PARM1: variants seen among roughly 807,000 people sequenced by gnomAD.
The protein encoded by PARM1 is prostate androgen-regulated mucin-like protein 1, also known as WSC4, cell wall integrity and stress response component 4 homolog.
PARM1 carries 14 observed loss-of-function variants against 24.6 expected under a neutral mutation model. That is an observed-to-expected ratio of 0.57 (90% confidence interval 0.38 to 0.89). PARM1 has a LOEUF of 0.89. Ranked by LOEUF, PARM1 falls within the 40% of genes least tolerant of loss-of-function variation. PARM1 has a pLI of 0.00. For synonymous variants in PARM1, 179 were observed against 156.6 expected (o/e 1.14, Z -1.07); for missense variants, 362 against 380.4 (o/e 0.95, Z 0.40).
intron 1 of PARM1, among the ~76,000 whole-genome samples, chr4:74,951,419 G>A (rs965370113): frequency 6.6e-6 from 1 of 152,080 alleles, no homozygotes; most frequent in Non-Finnish European, 1.5e-5. Context: ...TGCATGCAAG[G>A]GAGGACATGA....
intron 1 of PARM1, among the ~76,000 whole-genome samples, chr4:74,986,061 C>A (rs544355156): frequency 6.6e-6 from 1 of 152,292 alleles, no homozygotes; most frequent in South Asian, 2.1e-4. Flanking sequence ...GCCACTGCAC[C>A]CGGCCTTAGA....
At chr4:74,977,109 A>G (rs1722152959) in intron 1 of PARM1, among the ~76,000 whole-genome samples, 1 of 152,234 alleles carries the variant, frequency 6.6e-6, no homozygotes, top group Non-Finnish European at 1.5e-5. Context: ...TGAGGCTGAC[A>G]TGGATGAATT....
intron 1 of PARM1, among the ~76,000 whole-genome samples, chr4:74,986,435 A>T (rs1386486755): frequency 2.0e-5 from 3 of 152,232 alleles, no homozygotes; most frequent in Admixed American, 2.0e-4. Context: ...ATGAAGTCCC[A>T]GACATATTCC....
rs1168165327 is a variant in PARM1 at position 75,047,329 on chromosome 4, G to A, written c.*1082G>A. ...TAGTCTATCTGCAATTACTCAACGA[G>A]GCATTTTCATAGGAAACAGACTATG... On this transcript the variant is annotated 3_prime_UTR_variant, in exon 4 of 4. Coordinates refer to ENST00000307428, the MANE Select transcript of PARM1 (RefSeq NM_015393.4). 3.3e-5 allele frequency: 5 copies of A among 152,158 alleles called. No individual in the cohort carries two copies. Among genetic ancestry groups the A allele is most frequent in the Admixed American group, 6.5e-5 (1 of 15,272 alleles). 9.4% of individuals were successfully genotyped at this position (152,158 alleles called of 1,614,324 possible).
rs1419350827 is a variant in PARM1 at position 75,046,354 on chromosome 4, T to C, written c.*107T>C. The C allele has an allele frequency of 2.8e-6, 2 of 717,998 alleles. No individual in the cohort carries two copies. The highest frequency in any genetic ancestry group is 1.8e-5 in the African/African-American group (1 of 56,124). The allele number at this position is 717,998 out of a possible 1,614,324, so 44.5% of individuals were successfully genotyped here. On this transcript the variant is annotated 3_prime_UTR_variant, in exon 4 of 4. Coordinates refer to ENST00000307428, the MANE Select transcript of PARM1 (RefSeq NM_015393.4). ...CGCATTGAACGACAATCTTAAGCCCTGTTTTGTTGGTATGGTTGTTTTTGT... is the reference window on the plus strand; with the variant it reads ...CGCATTGAACGACAATCTTAAGCCCCGTTTTGTTGGTATGGTTGTTTTTGT...
At chr4:74,937,428 G>A (rs1229056693) in intron 1 of PARM1, among the ~76,000 whole-genome samples, 3 of 152,148 alleles carry the variant, frequency 2.0e-5, no homozygotes, top group African/African-American at 7.2e-5. Flanking sequence ...CATTTACAGA[G>A]GCAGTGTTTC....
chr4:75,010,359 A>G (rs1396207471), intron 1 of PARM1, among the ~76,000 whole-genome samples: 1 of 152,190 alleles, frequency 6.6e-6, no homozygotes, highest in African/African-American at 2.4e-5. Flanking sequence ...TGCCATTCCC[A>G]TGGGGAAAAG....
chr4:75,009,749 G>T (rs185595028), intron 1 of PARM1, among the ~76,000 whole-genome samples: 4 of 152,166 alleles, frequency 2.6e-5, no homozygotes, highest in Admixed American at 2.6e-4. Flanking sequence ...CCTTTCTCCC[G>T]CAAGTCCTTA....
chr4:75,037,337 C>T (rs1038724037), intron 3 of PARM1, among the ~76,000 whole-genome samples: 1 of 152,184 alleles, frequency 6.6e-6, no homozygotes, highest in Non-Finnish European at 1.5e-5. Context: ...ATGGCCCTGG[C>T]CCAGCCAAGT....
At chr4:74,999,381 G>T (rs1458976902) in intron 1 of PARM1, among the ~76,000 whole-genome samples, 1 of 152,170 alleles carries the variant, frequency 6.6e-6, no homozygotes, top group Non-Finnish European at 1.5e-5. Flanking sequence ...TCTGTGGGGA[G>T]AATAGGTGGT....
intron 1 of PARM1, among the ~76,000 whole-genome samples, chr4:74,989,072 A>C (rs1421959021): frequency 6.6e-6 from 1 of 152,050 alleles, no homozygotes; most frequent in Non-Finnish European, 1.5e-5. Context: ...TTTTTTTCGT[A>C]TTCTCTTTTA....
At chr4:75,026,864 GC>G (rs1221459429) in intron 2 of PARM1, among the ~76,000 whole-genome samples, 2 of 152,132 alleles carry the variant, frequency 1.3e-5, no homozygotes, top group East Asian at 3.9e-4. Flanking sequence ...CTTCCCAGTA[GC>G]CCTATGAGGT....
rs113720361 is a variant in PARM1 at position 75,005,782 on chromosome 4, C to T, written c.44-6643C>T. ...AGAAACAATCCGTCAGCTATTCTTGCAGCAAAAAAGCTTGAACCTGACCAG... is the reference window on the plus strand; with the variant it reads ...AGAAACAATCCGTCAGCTATTCTTGTAGCAAAAAAGCTTGAACCTGACCAG... On this transcript the variant is annotated intron_variant, in intron 1 of 3. Transcript: ENST00000307428. Among the ~76,000 whole-genome samples the T allele has an allele frequency of 2.0e-5, 3 of 152,212 alleles. No individual in the cohort carries two copies. In the East Asian group the frequency reaches 5.8e-4, roughly 29 times the overall value.
chr4:75,038,842 C>A (rs1184050627), intron 3 of PARM1, among the ~76,000 whole-genome samples: 2 of 152,206 alleles, frequency 1.3e-5, no homozygotes, highest in Non-Finnish European at 2.9e-5. Flanking sequence ...AATCTCCCTG[C>A]ACAGGAGACC....
At chr4:75,045,585 A>G (rs1723585418) in intron 3 of PARM1, among the ~76,000 whole-genome samples, 1 of 152,186 alleles carries the variant, frequency 6.6e-6, no homozygotes, top group Admixed American at 6.6e-5. Flanking sequence ...GCTCAGTTGG[A>G]TGACTTTGGG....
At chr4:75,011,433 A>G (rs966725283) in intron 1 of PARM1, among the ~76,000 whole-genome samples, 2 of 152,096 alleles carry the variant, frequency 1.3e-5, no homozygotes, top group Non-Finnish European at 2.9e-5. Flanking sequence ...TGGGGGTCCC[A>G]TCTACTGAGA....
At chr4:75,011,090 C>G (rs760017510) in intron 1 of PARM1, among the ~76,000 whole-genome samples, 8 of 152,126 alleles carry the variant, frequency 5.3e-5, no homozygotes, top group Non-Finnish European at 1.2e-4. Context: ...CCTGAGAGAA[C>G]TCACTCACTA....
At chr4:74,984,235 CAGT>C (rs1289987528) in intron 1 of PARM1, among the ~76,000 whole-genome samples, 1 of 152,240 alleles carries the variant, frequency 6.6e-6, no homozygotes, top group Non-Finnish European at 1.5e-5. Flanking sequence ...TAGTTGAAAA[CAGT>C]GGTCTAAAAA....
intron 1 of PARM1, among the ~76,000 whole-genome samples, chr4:74,989,170 G>T (rs900093295): frequency 6.6e-6 from 1 of 152,136 alleles, no homozygotes; most frequent in Non-Finnish European, 1.5e-5. Flanking sequence ...GATACCAGCT[G>T]GGTCTCCTCT....
Sources: allele counts gnomAD v4.1 joint callset (sites outside exome capture counted in the v4.1 genomes callset), GRCh38; gene constraint gnomAD v4.1.1; transcripts MANE v1.5; gene names NCBI Gene and HGNC (gene_info 2026-07-23, HGNC 2026-07-21).